The following HGSNAT variants were observed in gnomAD, a reference collection of about 807,000 sequenced individuals.
The protein encoded by HGSNAT is heparan-alpha-glucosaminide N-acetyltransferase.
HGSNAT carries 59 observed loss-of-function variants against 85.2 expected under a neutral mutation model. The observed-to-expected ratio is 0.69, with a 90% CI of 0.56 to 0.86. The LOEUF (loss-of-function observed/expected upper bound fraction) is 0.86. Ranked by LOEUF, HGSNAT falls within the 40% of genes least tolerant of loss-of-function variation. The pLI, the probability that HGSNAT is intolerant of heterozygous loss-of-function variation, is 0.00. For missense variants in HGSNAT, 756 were observed against 777.1 expected, an observed-to-expected ratio of 0.97 and a Z score of 0.32; for synonymous variants, 321 against 304.5, an observed-to-expected ratio of 1.05 and a Z score of -0.56.
chr8:43,158,389 C>T (rs962927598), intron 2 of HGSNAT, among the ~76,000 whole-genome samples, 186 bp from the exon 3 acceptor site: 4 of 152,074 alleles, frequency 2.6e-5, no homozygotes, highest in African/African-American at 4.8e-5. Context: ...TGAGCCACTG[C>T]GCCCAGCCCA....
intron 1 of HGSNAT, among the ~76,000 whole-genome samples, chr8:43,146,524 C>G (rs151156894): frequency 2.2e-3 from 339 of 152,254 alleles, no homozygotes; most frequent in African/African-American, 7.2e-3. Flanking sequence ...TCTTGAGAGG[C>G]TTAATTTATT....
At chr8:43,154,200 T>A (rs1382632943) in intron 2 of HGSNAT, among the ~76,000 whole-genome samples, 2 of 152,224 alleles carry the variant, frequency 1.3e-5, no homozygotes, top group Non-Finnish European at 2.9e-5. Context: ...TTACTTTTTT[T>A]TTCTTTATTA....
At chr8:43,165,371 C>T (rs1360457931) in intron 5 of HGSNAT, among the ~76,000 whole-genome samples, 3 of 152,056 alleles carry the variant, frequency 2.0e-5, no homozygotes, top group African/African-American at 7.2e-5. Flanking sequence ...CCATTTCTCT[C>T]CCTCTCTTTG....
At chr8:43,175,132 T>C (rs1025558285) in intron 9 of HGSNAT, among the ~76,000 whole-genome samples, 2 of 152,240 alleles carry the variant, frequency 1.3e-5, no homozygotes, top group African/African-American at 2.4e-5. Context: ...TAAGTGTCTG[T>C]TGATGGATGC....
At position 43,182,200 on chromosome 8, in the gene HGSNAT, C is replaced by T; in HGVS notation, c.1068C>T (p.Tyr356=). 1 of 1,614,020 alleles carries T rather than the reference C, an allele frequency of 6.2e-7. No individual in the cohort carries two copies. The highest frequency in any genetic ancestry group is 8.5e-7 in the Non-Finnish European group (1 of 1,179,898). ...PGVLQRLGVT[Y]FVVAVLELLF... is the part of the protein sequence containing the mutation. ...TGCTGCAGCGATTGGGAGTGACATA[C>T]TTTGTGGTTGCTGTGTTGGAGCTCC... Residue 356 remains tyrosine, a synonymous_variant, in exon 11 of 18, where the codon TAC becomes TAT. Transcript: ENST00000379644.
At chr8:43,155,944 G>T (rs1048190303) in intron 2 of HGSNAT, among the ~76,000 whole-genome samples, 1 of 151,872 alleles carries the variant, frequency 6.6e-6, no homozygotes, top group Non-Finnish European at 1.5e-5. Flanking sequence ...GGGTTCAAGT[G>T]ATTCTCCCAT....
At chr8:43,195,498 G>A (rs565532031) in intron 14 of HGSNAT, among the ~76,000 whole-genome samples, 1 of 145,382 alleles carries the variant, frequency 6.9e-6, no homozygotes, top group South Asian at 2.1e-4. Context: ...GGAGAAGGAA[G>A]AGGAGGAGGA....
Position 43,147,071 on chromosome 8 carries a change from T to A in HGSNAT, c.234+8T>A, listed in dbSNP as rs1205007842. 3 of 1,512,258 alleles carry A rather than the reference T, an allele frequency of 2.0e-6. No homozygotes were observed. Among genetic ancestry groups the A allele is most frequent in the Middle Eastern group, 1.7e-4 (1 of 5,854 alleles). 93.7% of individuals were successfully genotyped at this position (1,512,258 alleles called of 1,614,324 possible). On this transcript the variant is annotated splice_region_variant and intron_variant, in intron 2 of 17. Coordinates refer to ENST00000379644, the MANE Select transcript of HGSNAT (RefSeq NM_152419.3). ...TCTGAATGCTGTTATCACGTATGTA[T>A]CAGTTCACACTCAGTTCTGTTTGCT... is the stretch of plus-strand genomic sequence containing the variant.
chr8:43,197,412 A>G, intron 15 of HGSNAT: 1 of 555,620 alleles, frequency 1.8e-6, no homozygotes, highest in Non-Finnish European at 3.2e-6. Context: ...GACCGCAGCC[A>G]TGCCTCCTCT....
intron 4 of HGSNAT, among the ~76,000 whole-genome samples, chr8:43,160,651 T>G (rs1803240575): frequency 6.6e-6 from 1 of 152,242 alleles, no homozygotes; most frequent in African/African-American, 2.4e-5. Flanking sequence ...ATACTATTAC[T>G]GAAACCAGCA....
Position 43,197,919 on chromosome 8 carries a change from G to C in HGSNAT, c.1693G>C (p.Gly565Arg), listed in dbSNP as rs148632988. The C allele has an allele frequency of 0.011, 17,203 of 1,613,782 alleles. 99 individuals carry two copies. Among genetic ancestry groups the C allele is most frequent in the Non-Finnish European group, 0.013 (15,262 of 1,179,734 alleles). ...CCTGTACCCAGTTGTGGATGTGAAG[G>C]GGCTGTGGACAGGAACCCCATTCTT... is the stretch of plus-strand genomic sequence containing the variant. Reference protein sequence around the residue: ...LVLYPVVDVKGLWTGTPFFYP... With the variant: ...LVLYPVVDVKRLWTGTPFFYP... The change falls in exon 17 of 18, where the codon GGG becomes CGG. Residue 565 changes from glycine to arginine, a missense_variant. Gly to Arg is a moderately radical substitution (Grantham distance 125). Transcript: ENST00000379644.
intron 17 of HGSNAT, 44 bp downstream of exon 17, chr8:43,197,996 G>GAGGC (rs1254747008): frequency 7.1e-7 from 1 of 1,411,128 alleles, no homozygotes; most frequent in Non-Finnish European, 9.9e-7. Context: ...TGGTGACCAG[G>GAGGC]AGGCAGGCCC....
chr8:43,191,673 C>G (rs561580390), intron 12 of HGSNAT, 78 bp downstream of exon 12: 3 of 1,533,370 alleles, frequency 2.0e-6, no homozygotes, highest in African/African-American at 2.7e-5. Flanking sequence ...TCACAGGTCT[C>G]GAGTCAGAGG....
chr8:43,191,521 G>C lies in HGSNAT; in HGVS notation c.1176G>C (p.Gln392His), dbSNP rs1804527647. ...GAGACATCACGTCCAGCTGGCCCCA[G>C]TGGCTGCTCATCCTGGTGCTGGAAG... Reference protein sequence around the residue: ...SLRDITSSWPQWLLILVLEGL... With the variant: ...SLRDITSSWPHWLLILVLEGL... Residue 392 changes from glutamine (Q) to histidine (H), a missense_variant, in exon 12 of 18, where the codon CAG (glutamine) becomes CAC (histidine). Transcript: ENST00000379644. 6.2e-7 allele frequency: 1 copy of C among 1,613,892 alleles called. No homozygotes were observed. The highest frequency in any genetic ancestry group is 1.3e-5 in the African/African-American group (1 of 74,932).
chr8:43,153,286 C>T (rs760394422), intron 2 of HGSNAT, among the ~76,000 whole-genome samples: 36 of 151,744 alleles, frequency 2.4e-4, no homozygotes, highest in African/African-American at 8.2e-4. Context: ...TCAAGTACTC[C>T]AAGAGGATTC....
At chr8:43,149,631 C>T (rs368435491) in intron 2 of HGSNAT, among the ~76,000 whole-genome samples, 198 of 151,044 alleles carry the variant, frequency 1.3e-3, no homozygotes, top group East Asian at 8.9e-3. Flanking sequence ...ACCCGGGAGG[C>T]GGAGCTTGCA....
intron 10 of HGSNAT, among the ~76,000 whole-genome samples, chr8:43,179,234 C>T (rs1358666794): frequency 3.3e-5 from 5 of 151,142 alleles, no homozygotes; most frequent in East Asian, 4.0e-4. Flanking sequence ...GCTGGCCGGG[C>T]GGGGGCTGAC....
chr8:43,198,054 T>A, intron 17 of HGSNAT, 102 bp downstream of exon 17: 1 of 780,854 alleles, frequency 1.3e-6, no homozygotes, highest in Non-Finnish European at 2.1e-6. Flanking sequence ...GCCACTGCCC[T>A]AGCGGCAGGT....
intron 2 of HGSNAT, among the ~76,000 whole-genome samples, chr8:43,156,514 ATGT>A (rs1803100479): frequency 6.6e-6 from 1 of 152,118 alleles, no homozygotes; most frequent in Non-Finnish European, 1.5e-5. Context: ...ATTCAGGAAT[ATGT>A]TGTTTAATTT....
Sources: allele counts gnomAD v4.1 joint callset (sites outside exome capture counted in the v4.1 genomes callset), GRCh38; gene constraint gnomAD v4.1.1; transcripts MANE v1.5; gene names NCBI Gene and HGNC (gene_info 2026-07-23, HGNC 2026-07-21).